The following MYLK2 variants were observed in gnomAD, a reference collection of about 807,000 sequenced individuals.
MYLK2 encodes myosin light chain kinase 2, skeletal/cardiac muscle.
MYLK2 carries 27 observed loss-of-function variants against 58.2 expected under a neutral mutation model. That is an observed-to-expected ratio of 0.46 (90% CI 0.34 to 0.64). The LOEUF (loss-of-function observed/expected upper bound fraction) is 0.64, where lower values mean the gene tolerates loss of function less well. Among genes scored for constraint, MYLK2 ranks in the 30% least tolerant of loss-of-function variants. The pLI is 0.01. For synonymous variants in MYLK2, 310 were observed against 296.7 expected, an observed-to-expected ratio of 1.04 and a Z score of -0.46; for missense variants, 676 against 764.3, an observed-to-expected ratio of 0.88 and a Z score of 1.36.
chr20:31,828,761 C>T, intron 8 of MYLK2: 1 of 972,602 alleles, frequency 1.0e-6, no homozygotes, highest in Non-Finnish European at 1.2e-6. Context: ...GCCATCTTCC[C>T]AACAGTCCCC....
At chr20:31,831,967 C>A (rs1169102236) in intron 11 of MYLK2, 37 bp from the exon 12 acceptor site, 1 of 1,612,468 alleles carries the variant, frequency 6.2e-7, no homozygotes, top group Non-Finnish European at 8.5e-7. Flanking sequence ...GCCTCACGAG[C>A]ATGCAGCCCA....
At chr20:31,821,138 A>G (rs982094293) in intron 3 of MYLK2, among the ~76,000 whole-genome samples, 1 of 152,256 alleles carries the variant, frequency 6.6e-6, no homozygotes, top group Non-Finnish European at 1.5e-5. Flanking sequence ...ATAATTATGT[A>G]TCAATTATAT....
Position 31,820,408 on chromosome 20 carries a change from A to G in MYLK2, c.335A>G (p.Lys112Arg), listed in dbSNP as rs2123126349. 3.1e-6 allele frequency: 5 copies of G among 1,612,904 alleles called. No individual in the cohort carries two copies. Among genetic ancestry groups the G allele is most frequent in the Non-Finnish European group, 4.2e-6 (5 of 1,179,906 alleles). The change falls in exon 3 of 13, where the codon AAG becomes AGG. Residue 112 changes from lysine (K) to arginine (R), a missense_variant. This residue lies in a region of MYLK2 where 306 missense variants were observed against 296.5 expected (regional missense o/e 1.03). Transcript: ENST00000375985. ...CCTGAGACCAGCGTCAAGAAGCCCA[A>G]GGCTGAGCAGGGAGCCTCAGGCAGC... ...ATPETSVKKPKAEQGASGSQD... is the reference protein window; with the variant it reads ...ATPETSVKKPRAEQGASGSQD...
At chr20:31,826,551 G>A in intron 6 of MYLK2, 54 bp from the exon 7 acceptor site, 4 of 1,610,794 alleles carry the variant, frequency 2.5e-6, no homozygotes, top group East Asian at 2.2e-5. Flanking sequence ...ATGGAGGGTG[G>A]GTGGCAGGGA....
In MYLK2 at chr20:31,830,800, C is replaced by T. The variant is rs2062302149; in HGVS notation, c.1225-19C>T. The stretch of plus-strand genomic sequence containing the variant: ...TGAGCTGGTCAGAGGCCCACCCAGG[C>T]CACCCCCTTTCTCCTCAGCCAGAGA... On this transcript the variant is annotated intron_variant, in intron 8 of 12. Coordinates refer to ENST00000375985, the MANE Select transcript of MYLK2 (RefSeq NM_033118.4). 1.2e-6 allele frequency: 2 copies of T among 1,613,330 alleles called. No homozygotes were observed. Among genetic ancestry groups the T allele is most frequent in the South Asian group, 2.2e-5 (2 of 91,046 alleles).
rs6087783 is a variant in MYLK2 at position 31,833,421 on chromosome 20, T to G, written c.1711-296T>G. On this transcript the variant is annotated intron_variant, in intron 12 of 12. Transcript: ENST00000375985. ...TTAGAGAGGAAGAGGGGGACAGGAGTTGGAGGGACTCATCGGCCATGGCAA... is the reference window on the plus strand; with the variant it reads ...TTAGAGAGGAAGAGGGGGACAGGAGGTGGAGGGACTCATCGGCCATGGCAA... Among the ~76,000 whole-genome samples, 61,198 of 151,742 alleles carry G rather than the reference T, an allele frequency of 0.4. 15,569 individuals are homozygous for G. The highest frequency in any genetic ancestry group is 0.72 in the African/African-American group (29,650 of 41,430).
chr20:31,827,222 G>A (rs928193689), intron 8 of MYLK2: 1 of 985,398 alleles, frequency 1.0e-6, no homozygotes, highest in African/African-American at 1.7e-5. Context: ...TTGCAGTCCT[G>A]TGAGCCCCAA....
intron 8 of MYLK2, among the ~76,000 whole-genome samples, chr20:31,829,730 G>T (rs1193306343): frequency 6.6e-6 from 1 of 152,320 alleles, no homozygotes; most frequent in Non-Finnish European, 1.5e-5. Context: ...AGGAGCTGCT[G>T]GAATTCAGGG....
chr20:31,828,072 G>T, intron 8 of MYLK2: 1 of 488,372 alleles, frequency 2.0e-6, no homozygotes, highest in Non-Finnish European at 2.7e-6. Context: ...ATTTTTAGTG[G>T]AGACGGGGTT....
At chr20:31,830,151 C>T (rs1205537400) in intron 8 of MYLK2, among the ~76,000 whole-genome samples, 1 of 152,204 alleles carries the variant, frequency 6.6e-6, no homozygotes, top group South Asian at 2.1e-4. Flanking sequence ...CCTCAGCTTT[C>T]TCAGCTGCCA....
In MYLK2 at chr20:31,819,576, A is replaced by G. The variant is rs1230084507; in HGVS notation, c.-5A>G. The G allele has an allele frequency of 6.4e-7, 1 of 1,551,334 alleles. No individual in the cohort carries two copies. The highest frequency in any genetic ancestry group is 2.4e-5 in the East Asian group (1 of 40,924). On this transcript the variant is annotated 5_prime_UTR_variant, in exon 2 of 13. Coordinates refer to ENST00000375985, the MANE Select transcript of MYLK2 (RefSeq NM_033118.4). ...GACAAGCAGCAGCACACGCCTCCCT[A>G]CCTCATGGCGACAGAAAATGGAGCA...
At chr20:31,826,971 G>A (rs747333534) in intron 8 of MYLK2, 33 bp downstream of exon 8, 4 of 1,613,580 alleles carry the variant, frequency 2.5e-6, no homozygotes, top group East Asian at 2.2e-5. Context: ...GAAGGGTCAG[G>A]GGCAGCCTCC....
Position 31,833,748 on chromosome 20 carries a change from G to A in MYLK2, c.1742G>A (p.Arg581His), listed in dbSNP as rs1240286486. 3.1e-6 allele frequency: 5 copies of A among 1,613,720 alleles called. No homozygotes were observed. The highest frequency in any genetic ancestry group is 1.7e-5 in the Admixed American group (1 of 60,000). Residue 581 changes from arginine to histidine, a missense_variant, in exon 13 of 13, where the codon CGC (arginine) becomes CAC (histidine). Around this residue, in one of 2 missense-constraint regions of MYLK2, gnomAD observed 370 missense variants for 467.8 expected, o/e 0.79. Coordinates refer to ENST00000375985, the MANE Select transcript of MYLK2 (RefSeq NM_033118.4). ...TTCATTGCTGTCAGCGCTGCCAACC[G>A]CTTCAAGAAGATCAGCAGCTCGGGG... Reference protein sequence around the residue: ...KNFIAVSAANRFKKISSSGAL... With the variant: ...KNFIAVSAANHFKKISSSGAL...
chr20:31,824,038 T>C, intron 5 of MYLK2: 1 of 985,444 alleles, frequency 1.0e-6, no homozygotes, highest in Non-Finnish European at 1.2e-6. Context: ...CCTGTGCACG[T>C]GGTCTGTGTG....
intron 8 of MYLK2, among the ~76,000 whole-genome samples, chr20:31,827,811 T>A (rs897214097): frequency 6.7e-6 from 1 of 148,302 alleles, no homozygotes; most frequent in East Asian, 2.0e-4. Flanking sequence ...GAGCCACTGT[T>A]CCCGGCCTGA....
intron 6 of MYLK2, among the ~76,000 whole-genome samples, chr20:31,826,059 T>C (rs1381577307): frequency 6.6e-6 from 1 of 152,038 alleles, no homozygotes; most frequent in Non-Finnish European, 1.5e-5. Flanking sequence ...GCTCGTAACT[T>C]TTTGTCCTGC....
At chr20:31,828,659 A>G (rs2062291469) in intron 8 of MYLK2, 1 of 985,388 alleles carries the variant, frequency 1.0e-6, no homozygotes, top group Non-Finnish European at 1.2e-6. Context: ...AATTGAAGTC[A>G]GCACGGGTCT....
At chr20:31,829,373 A>G (rs571993394) in intron 8 of MYLK2, among the ~76,000 whole-genome samples, 1 of 150,108 alleles carries the variant, frequency 6.7e-6, no homozygotes, top group East Asian at 2.0e-4. Context: ...TAGATGGAGA[A>G]TCTCTGAAAG....
rs993953197 is a variant in MYLK2 at position 31,824,524 on chromosome 20, C to T, written c.972+172C>T. 7 of 985,306 alleles carry T rather than the reference C, an allele frequency of 7.1e-6. No individual in the cohort carries two copies. In the African/African-American group the frequency reaches 1.2e-4, roughly 17 times the overall value. 61.0% of individuals were successfully genotyped at this position (985,306 alleles called of 1,614,324 possible). A position where few individuals can be genotyped will look rare whatever the true frequency, so the allele number is the denominator to read the frequency against. On this transcript the variant is annotated intron_variant, in intron 6 of 12. Coordinates refer to ENST00000375985, the MANE Select transcript of MYLK2 (RefSeq NM_033118.4). ...TGGATGGACAGCCCTGCAGCAGGGG[C>T]CTGAGGACCCTACCCATAACCAGAT...
Sources: gnomAD v4.1 joint callset for allele counts (sites outside exome capture counted in the v4.1 genomes callset) on GRCh38, gnomAD v4.1.1 for gene constraint, gnomAD v4.1.1 regional missense constraint, MANE v1.5 for transcripts, NCBI Gene and HGNC (gene_info 2026-07-23, HGNC 2026-07-21) for gene names.